STRN: variants seen among roughly 807,000 people sequenced by gnomAD.
STRN encodes striatin, also known as protein phosphatase 2 regulatory subunit B'''alpha.
In STRN, 53 loss-of-function variants were observed where a neutral mutation model predicts 96.3. The observed-to-expected ratio is 0.55, with a 90% confidence interval of 0.44 to 0.69. STRN has a LOEUF of 0.69. Ranked by LOEUF, STRN falls within the 30% of genes least tolerant of loss-of-function variation. STRN has a pLI of 0.00. For missense variants in STRN, 987 were observed against 963.9 expected, an observed-to-expected ratio of 1.02 and a Z score of -0.32; for synonymous variants, 428 against 355.9, an observed-to-expected ratio of 1.20 and a Z score of -2.28.
At chr2:36,892,702 C>T (rs1558640606) in intron 7 of STRN, among the ~76,000 whole-genome samples, 1 of 152,118 alleles carries the variant, frequency 6.6e-6, no homozygotes, top group Non-Finnish European at 1.5e-5. Context: ...CTGGGAAGAA[C>T]ATAATATAAA....
At chr2:36,859,643 G>A (rs1426308619) in intron 13 of STRN, among the ~76,000 whole-genome samples, 1 of 152,186 alleles carries the variant, frequency 6.6e-6, no homozygotes, top group Admixed American at 6.5e-5. Context: ...CTCAAGGAAT[G>A]TTTGTACACT....
At chr2:36,918,452 TA>T (rs1670168128) in intron 2 of STRN, among the ~76,000 whole-genome samples, 1 of 151,884 alleles carries the variant, frequency 6.6e-6, no homozygotes, top group South Asian at 2.1e-4. Flanking sequence ...ATGGAGTTTA[TA>T]TTTTTTATAT....
chr2:36,915,248 T>TATATATATATATAG (rs1670064751), intron 3 of STRN, among the ~76,000 whole-genome samples: 2 of 103,622 alleles, frequency 1.9e-5, no homozygotes, highest in African/African-American at 5.9e-5. Flanking sequence ...TATATATATA[T>TATATATATATATAG]ATATATATAT....
intron 7 of STRN, among the ~76,000 whole-genome samples, chr2:36,887,038 G>A (rs1322207121): frequency 8.3e-6 from 1 of 121,156 alleles, no homozygotes; most frequent in Non-Finnish European, 1.7e-5. Context: ...AGTTTCTCCT[G>A]AAAGACACAC....
At chr2:36,935,001 T>C (rs1170300046) in intron 1 of STRN, among the ~76,000 whole-genome samples, 2 of 152,130 alleles carry the variant, frequency 1.3e-5, no homozygotes, top group African/African-American at 4.8e-5. Flanking sequence ...TCGCTTGAAT[T>C]TGGGAGGCAG....
chr2:36,964,985 G>C (rs1475133450), intron 1 of STRN, among the ~76,000 whole-genome samples: 1 of 152,190 alleles, frequency 6.6e-6, no homozygotes, highest in Middle Eastern at 3.2e-3. Flanking sequence ...CACAGAGCTA[G>C]CAACAAACAC....
intron 5 of STRN, among the ~76,000 whole-genome samples, chr2:36,901,681 C>G: frequency 6.6e-6 from 1 of 151,930 alleles, no homozygotes; most frequent in Non-Finnish European, 1.5e-5. Context: ...ACATGCCTTA[C>G]ATTTACAAAT....
intron 1 of STRN, among the ~76,000 whole-genome samples, chr2:36,965,918 G>A (rs541894653): frequency 2.0e-5 from 3 of 152,274 alleles, no homozygotes; most frequent in Admixed American, 6.5e-5. Context: ...TTAGTAAACC[G>A]AGAGGGCAGC....
At chr2:36,940,608 A>G (rs1670820441) in intron 1 of STRN, among the ~76,000 whole-genome samples, 1 of 152,034 alleles carries the variant, frequency 6.6e-6, no homozygotes, top group Non-Finnish European at 1.5e-5. Context: ...CGGATGCATC[A>G]CGAGGTCAGG....
At chr2:36,857,772 C>T in intron 14 of STRN, 84 bp downstream of exon 14, 1 of 1,171,694 alleles carries the variant, frequency 8.5e-7, no homozygotes, top group Non-Finnish European at 1.2e-6. Flanking sequence ...TTAAAGAGTT[C>T]AGGGAATCAT....
intron 3 of STRN, among the ~76,000 whole-genome samples, chr2:36,914,994 G>A (rs953033542): frequency 4.0e-5 from 6 of 151,540 alleles, no homozygotes; most frequent in African/African-American, 1.2e-4. Context: ...TCAGGAGATC[G>A]AGACCATCCT....
chr2:36,903,505 A>G (rs1228388855), intron 4 of STRN, among the ~76,000 whole-genome samples: 1 of 152,228 alleles, frequency 6.6e-6, no homozygotes, highest in African/African-American at 2.4e-5. Flanking sequence ...GTTGACCAGA[A>G]CAGACCAAAA....
At chr2:36,918,613 C>G (rs1670171083) in intron 2 of STRN, among the ~76,000 whole-genome samples, 1 of 151,980 alleles carries the variant, frequency 6.6e-6, no homozygotes, top group African/African-American at 2.4e-5. Context: ...ACATTATGAA[C>G]ATTTTATTTT....
rs1297155201 is a variant in STRN at position 36,851,087 on chromosome 2, T to C, written c.1999A>G (p.Ile667Val). The C allele has an allele frequency of 6.2e-7, 1 of 1,613,476 alleles. No homozygotes were observed. Among genetic ancestry groups the C allele is most frequent in the Non-Finnish European group, 8.5e-7 (1 of 1,179,764 alleles). The change falls in exon 16 of 18, where the codon ATA (isoleucine) becomes GTA (valine). Residue 667 changes from isoleucine to valine, a missense_variant. Physicochemically the swap from Ile to Val is conservative, Grantham distance 29. Transcript: ENST00000263918. ...GTAGGATGACTGATGACTCTATTTA[T>C]TTGGCAGGAAGAGTTGGCTGCTAAA... The part of the protein sequence containing the change: ...VDTTANSSCQ[I>V]NRVISHPTLP...
intron 3 of STRN, 84 bp from the exon 4 acceptor site, chr2:36,905,702 T>A: frequency 8.5e-7 from 1 of 1,170,796 alleles, no homozygotes; most frequent in Non-Finnish European, 1.3e-6. Flanking sequence ...CCAATAAACA[T>A]TTATAAGATT....
intron 2 of STRN, among the ~76,000 whole-genome samples, chr2:36,922,400 T>C (rs1428076029): frequency 2.0e-5 from 3 of 151,614 alleles, no homozygotes; most frequent in African/African-American, 7.3e-5. Context: ...ATATCTGTAT[T>C]CCCAGCCACT....
At chr2:36,920,280 C>A (rs1233064579) in intron 2 of STRN, among the ~76,000 whole-genome samples, 1 of 152,066 alleles carries the variant, frequency 6.6e-6, no homozygotes, top group East Asian at 1.9e-4. Context: ...TTAAAAATGT[C>A]TTAGATTATA....
At chr2:36,939,778 A>T (rs1383807727) in intron 1 of STRN, among the ~76,000 whole-genome samples, 2 of 152,234 alleles carry the variant, frequency 1.3e-5, no homozygotes, top group African/African-American at 4.8e-5. Context: ...TGAACAGAAT[A>T]AAAGTAAATA....
intron 7 of STRN, among the ~76,000 whole-genome samples, chr2:36,889,076 C>T (rs959363729): frequency 6.6e-6 from 1 of 152,206 alleles, no homozygotes; most frequent in African/African-American, 2.4e-5. Flanking sequence ...TTCTACTTTC[C>T]ATAGCATTTA....
Sources: allele counts gnomAD v4.1 joint callset (sites outside exome capture counted in the v4.1 genomes callset), GRCh38; gene constraint gnomAD v4.1.1; transcripts MANE v1.5; gene names NCBI Gene and HGNC (gene_info 2026-07-23, HGNC 2026-07-21).